Variants in CNTNAP4 observed in about 807,000 individuals in gnomAD.
The protein encoded by CNTNAP4 is contactin-associated protein-like 4.
Under a neutral mutation model 148.4 loss-of-function variants are expected in CNTNAP4, and 98 were observed. The observed-to-expected ratio is 0.66, with a 90% CI of 0.56 to 0.78. CNTNAP4 has a LOEUF of 0.78. Among genes scored for constraint, CNTNAP4 ranks in the 30% least tolerant of loss-of-function variants. CNTNAP4 has a pLI of 0.00. For missense variants in CNTNAP4, 1,935 were observed against 1,565.6 expected, an observed-to-expected ratio of 1.24 and a Z score of -3.98; for synonymous variants, 730 against 565.1, an observed-to-expected ratio of 1.29 and a Z score of -4.14.
chr16:76,422,321 T>C (rs1568103715), intron 3 of CNTNAP4, among the ~76,000 whole-genome samples: 5 of 151,268 alleles, frequency 3.3e-5, no homozygotes, highest in Non-Finnish European at 7.4e-5. Flanking sequence ...AGGAGGTTAC[T>C]ATTTATATGC....
chr16:76,404,585 G>A (rs977771235), intron 3 of CNTNAP4, among the ~76,000 whole-genome samples: 11 of 152,220 alleles, frequency 7.2e-5, no homozygotes, highest in African/African-American at 2.4e-4. Context: ...CTCAGCATAA[G>A]TGAGTGTTTT....
intron 18 of CNTNAP4, among the ~76,000 whole-genome samples, chr16:76,536,222 C>G (rs12924748): frequency 0.44 from 66,689 of 151,634 alleles, 14,656 homozygotes; most frequent in Middle Eastern, 0.49. Flanking sequence ...GAGTCTTACT[C>G]TGTCACTCTG....
chr16:76,478,577 C>T (rs867003263), intron 11 of CNTNAP4, among the ~76,000 whole-genome samples: 6 of 152,276 alleles, frequency 3.9e-5, no homozygotes, highest in African/African-American at 1.4e-4. Flanking sequence ...GATTATTTCT[C>T]ATTTCACAGA....
At chr16:76,521,369 A>G in intron 16 of CNTNAP4, 59 bp downstream of exon 16, 2 of 1,418,876 alleles carry the variant, frequency 1.4e-6, no homozygotes, top group Non-Finnish European at 1.9e-6. Context: ...TAAATCTTTT[A>G]ACTAATTTTT....
At chr16:76,341,860 A>T (rs147540789) in intron 2 of CNTNAP4, among the ~76,000 whole-genome samples, 284 of 152,326 alleles carry the variant, frequency 1.9e-3, no homozygotes, top group Non-Finnish European at 2.2e-3. Flanking sequence ...TCCATGAAAG[A>T]TGCTGAAAAA....
intron 3 of CNTNAP4, 86 bp from the exon 4 acceptor site, chr16:76,427,366 A>G: frequency 1.8e-6 from 2 of 1,120,812 alleles, no homozygotes; most frequent in South Asian, 3.6e-5. Context: ...AATGCAGATC[A>G]CACATTGCTA....
At chr16:76,316,667 A>G in intron 2 of CNTNAP4, 144 bp downstream of exon 2, 2 of 633,108 alleles carry the variant, frequency 3.2e-6, no homozygotes, top group Non-Finnish European at 5.7e-6. Context: ...TGAGATGTAT[A>G]TGACATCTAG....
At chr16:76,416,807 T>C (rs1341325595) in intron 3 of CNTNAP4, among the ~76,000 whole-genome samples, 1 of 151,392 alleles carries the variant, frequency 6.6e-6, no homozygotes, top group Non-Finnish European at 1.5e-5. Context: ...CCTTGATACA[T>C]CAATTATTCC....
At position 76,355,304 on chromosome 16, in the gene CNTNAP4, A is replaced by G. The variant is rs1463895446; in HGVS notation, c.197-14A>G. The G allele has an allele frequency of 6.7e-6, 10 of 1,496,594 alleles. No homozygotes were observed. The highest frequency in any genetic ancestry group is 2.3e-5 in the Admixed American group (1 of 42,978). 92.7% of individuals were successfully genotyped at this position (1,496,594 alleles called of 1,614,324 possible). ...CCTTTCTCAATTTTCTCCTGTTTCT[A>G]TTTTTAATAAAAGGAGCTGGTGGCT... On this transcript the variant is annotated splice_polypyrimidine_tract_variant and intron_variant, in intron 2 of 23. Transcript: ENST00000611870.
Position 76,479,510 on chromosome 16 carries a change from AC to A in CNTNAP4, c.1856del (p.Pro619HisfsTer8), listed in dbSNP as rs1327188899. On this transcript the variant is annotated frameshift_variant, in exon 12 of 24. Transcript: ENST00000611870. LOFTEE classifies it high-confidence loss of function. ...IDSDGSGPLE[P>X]FLLYCNMTET... is the part of the protein sequence containing the mutation. Reference sequence around the variant, plus strand: ...ATTCAGATGGAAGTGGTCCCCTGGAACCATTTCTTCTATATTGCAATATGAC... The same window carrying A: ...ATTCAGATGGAAGTGGTCCCCTGGAACATTTCTTCTATATTGCAATATGAC... The A allele has an allele frequency of 6.2e-7, 1 of 1,610,798 alleles. No individual in the cohort carries two copies. Among genetic ancestry groups the A allele is most frequent in the South Asian group, 1.1e-5 (1 of 90,138 alleles).
rs547155418 is a variant in CNTNAP4, at chr16:76,538,267, A to G, written c.3147A>G (p.Thr1049=). ...REMIKFSFRT[T]RTPSLLLFVS... is the part of the protein sequence containing the mutation. ...TGATCAAATTTAGTTTCCGAACAAC[A>G]CGAACACCAAGCTTGCTGCTTTTTG... Residue 1049 remains threonine, a synonymous_variant, in exon 19 of 24, where the codon ACA becomes ACG. Coordinates refer to ENST00000611870, the MANE Select transcript of CNTNAP4 (RefSeq NM_033401.5). The G allele has an allele frequency of 6.2e-6, 10 of 1,611,028 alleles. No individual in the cohort carries two copies. The highest frequency in any genetic ancestry group is 3.3e-4 in the Middle Eastern group (2 of 6,054).
At chr16:76,556,630 A>T (rs938273006) in intron 23 of CNTNAP4, among the ~76,000 whole-genome samples, 1 of 152,256 alleles carries the variant, frequency 6.6e-6, no homozygotes. Flanking sequence ...CCAGAGGCCT[A>T]TAACTAGCCT....
chr16:76,552,528 C>T (rs1375494595), intron 21 of CNTNAP4, among the ~76,000 whole-genome samples: 1 of 152,116 alleles, frequency 6.6e-6, no homozygotes, highest in Non-Finnish European at 1.5e-5. Flanking sequence ...AAACCAATCT[C>T]CGTTCCACAA....
At chr16:76,279,779 CA>C (rs1567561609) in intron 1 of CNTNAP4, among the ~76,000 whole-genome samples, 1 of 152,234 alleles carries the variant, frequency 6.6e-6, no homozygotes, top group East Asian at 1.9e-4. Flanking sequence ...AATATTTTGA[CA>C]ATATGATTTG....
intron 3 of CNTNAP4, among the ~76,000 whole-genome samples, chr16:76,358,684 C>G (rs1317848808): frequency 6.6e-6 from 1 of 152,070 alleles, no homozygotes; most frequent in Non-Finnish European, 1.5e-5. Flanking sequence ...TTTGGAAAGA[C>G]TGGAAGATAA....
At chr16:76,476,114 C>A in intron 11 of CNTNAP4, 69 bp downstream of exon 11, 1 of 1,045,120 alleles carries the variant, frequency 9.6e-7, no homozygotes, top group Non-Finnish European at 1.5e-6. Context: ...CTTTTCATTG[C>A]TGTGTGTATA....
intron 3 of CNTNAP4, among the ~76,000 whole-genome samples, chr16:76,421,122 C>G (rs1162655439): frequency 2.0e-5 from 3 of 152,064 alleles, no homozygotes; most frequent in Middle Eastern, 3.4e-3. Flanking sequence ...GGAATTCAAA[C>G]CCTTTTATGC....
intron 15 of CNTNAP4, among the ~76,000 whole-genome samples, chr16:76,516,926 T>G (rs1466617581): frequency 8.5e-5 from 13 of 152,096 alleles, no homozygotes. Flanking sequence ...TAGCCAGGCA[T>G]AGTGGTGTGC....
intron 14 of CNTNAP4, among the ~76,000 whole-genome samples, chr16:76,497,979 C>T (rs1475341288): frequency 6.6e-6 from 1 of 152,072 alleles, no homozygotes; most frequent in African/African-American, 2.4e-5. Flanking sequence ...TAACCAATTC[C>T]AGTAAAAAGG....
Sources: gnomAD v4.1 joint callset for allele counts (sites outside exome capture counted in the v4.1 genomes callset) on GRCh38, gnomAD v4.1.1 for gene constraint, MANE v1.5 for transcripts, NCBI Gene and HGNC (gene_info 2026-07-23, HGNC 2026-07-21) for gene names.